SLC7A11: variants seen among roughly 807,000 people sequenced by gnomAD.
The protein encoded by SLC7A11 is cystine/glutamate transporter.
SLC7A11 carries 35 observed loss-of-function variants against 54.5 expected under a neutral mutation model. The observed-to-expected ratio is 0.64, with a 90% CI of 0.49 to 0.85. The LOEUF is 0.85. Among genes scored for constraint, SLC7A11 ranks in the 40% least tolerant of loss-of-function variants. SLC7A11 has a pLI of 0.00. For synonymous variants in SLC7A11, 230 were observed against 225.2 expected (o/e 1.02, Z -0.19); for missense variants, 583 against 618.1 (o/e 0.94, Z 0.60).
At chr4:138,222,662 T>C (rs1378358887) in intron 4 of SLC7A11, among the ~76,000 whole-genome samples, 1 of 152,186 alleles carries the variant, frequency 6.6e-6, no homozygotes, top group Admixed American at 6.5e-5. Flanking sequence ...ACAATAAAAA[T>C]TAAGTTTTTA....
chr4:138,165,936 A>G lies in SLC7A11; in HGVS notation c.*6020T>C, dbSNP rs1004615636. On this transcript the variant is annotated 3_prime_UTR_variant, in exon 12 of 12. Transcript: ENST00000280612. ...TTGTGCAATAATCATAGTGATTTACATTGCTTTTCTTCTTTCAGAGCAATA... is the reference window on the plus strand; with the variant it reads ...TTGTGCAATAATCATAGTGATTTACGTTGCTTTTCTTCTTTCAGAGCAATA... 1 of 152,178 alleles carries G rather than the reference A, an allele frequency of 6.6e-6. No homozygotes were observed. The highest frequency in any genetic ancestry group is 1.5e-5 in the Non-Finnish European group (1 of 68,006). 9.4% of individuals were successfully genotyped at this position (152,178 alleles called of 1,614,324 possible). A position where few individuals can be genotyped will look rare whatever the true frequency, so the allele number is the denominator to read the frequency against.
At position 138,171,830 on chromosome 4, in the gene SLC7A11, T is replaced by C. The variant is rs1736432536; in HGVS notation, c.*126A>G. ...GTTCGAATATGCTAAAATATATGAA[T>C]AAAAATAACTGACTCCTTTTGTTTA... On this transcript the variant is annotated 3_prime_UTR_variant, in exon 12 of 12. Transcript: ENST00000280612. The C allele has an allele frequency of 8.2e-7, 1 of 1,224,110 alleles. No homozygotes were observed. Among genetic ancestry groups the C allele is most frequent in the Non-Finnish European group, 1.1e-6 (1 of 899,472 alleles). The allele number at this position is 1,224,110 out of a possible 1,614,324, so 75.8% of individuals were successfully genotyped here.
intron 11 of SLC7A11, among the ~76,000 whole-genome samples, chr4:138,172,851 T>C (rs1386258918): frequency 1.3e-5 from 2 of 152,154 alleles, no homozygotes; most frequent in African/African-American, 4.8e-5. Context: ...TTTTGTTTTG[T>C]TTTGATTTTT....
chr4:138,202,746 C>G (rs1230406140), intron 6 of SLC7A11, among the ~76,000 whole-genome samples: 1 of 152,038 alleles, frequency 6.6e-6, no homozygotes, highest in East Asian at 1.9e-4. Context: ...CCCAGAGGCT[C>G]AGAGAGGACA....
chr4:138,214,650 T>A, intron 5 of SLC7A11, 21 bp from the exon 6 acceptor site: 1 of 925,112 alleles, frequency 1.1e-6, no homozygotes, highest in Non-Finnish European at 1.6e-6. Context: ...ATAAATAAAT[T>A]ATAAACTATT....
intron 6 of SLC7A11, among the ~76,000 whole-genome samples, chr4:138,198,854 T>G (rs1175423704): frequency 6.6e-6 from 1 of 152,118 alleles, no homozygotes; most frequent in Non-Finnish European, 1.5e-5. Context: ...AAAGAAATAT[T>G]ATACTAGCAT....
Position 138,223,263 on chromosome 4 carries a change from T to C in SLC7A11, c.582A>G (p.Leu194=). The change falls in exon 4 of 12, where the codon TTA becomes TTG. Residue 194 remains leucine (L), a synonymous_variant. Coordinates refer to ENST00000280612, the MANE Select transcript of SLC7A11 (RefSeq NM_014331.4). ...GAATTGCTGTGAGCTTGCAAAAGGT[T>C]AAGAAAATCTGGATCCGGGCGCTCC... ...VSWSARIQIF[L]TFCKLTAILI... is the part of the protein sequence containing the mutation. The C allele has an allele frequency of 6.2e-7, 1 of 1,613,692 alleles. No homozygotes were observed. The highest frequency in any genetic ancestry group is 8.5e-7 in the Non-Finnish European group (1 of 1,179,618).
chr4:138,224,116 G>A (rs1056293004), intron 3 of SLC7A11, among the ~76,000 whole-genome samples: 3 of 152,088 alleles, frequency 2.0e-5, no homozygotes, highest in Non-Finnish European at 2.9e-5. Flanking sequence ...TCGCTGTATC[G>A]CTGGTATCCA....
intron 6 of SLC7A11, among the ~76,000 whole-genome samples, chr4:138,194,723 G>T (rs1362194668): frequency 6.6e-6 from 1 of 152,142 alleles, no homozygotes; most frequent in Non-Finnish European, 1.5e-5. Flanking sequence ...TTATGGAAAA[G>T]TCTGGGTCTA....
Position 138,173,704 on chromosome 4 carries a change from T to C in SLC7A11, c.1445-1687A>G, listed in dbSNP as rs141945534. ...GTCAAAGATACTGTCCTCAGCCCAC[T>C]AATTTTACAGTCTATATTAATTGTA... On this transcript the variant is annotated intron_variant, in intron 11 of 11. Transcript: ENST00000280612. 5.9e-5 allele frequency among the ~76,000 whole-genome samples: 9 copies of C among 152,146 alleles called. 1 individual carries two copies. In the East Asian group the frequency reaches 1.7e-3, roughly 29 times the overall value.
In SLC7A11 at chr4:138,204,029, C is replaced by T. The variant is rs536989618; in HGVS notation, c.791+10556G>A. 1.2e-4 allele frequency among the ~76,000 whole-genome samples: 18 copies of T among 152,182 alleles called. No homozygotes were observed. The South Asian group carries it at 3.7e-3, about 32-fold the overall frequency. ...TCTTCTATGGCTGTATGTATGCTCA[C>T]CCGCTGCCCGAGACATCTTCACTTC... is the stretch of plus-strand genomic sequence containing the variant. On this transcript the variant is annotated intron_variant, in intron 6 of 11. Coordinates refer to ENST00000280612, the MANE Select transcript of SLC7A11 (RefSeq NM_014331.4).
At chr4:138,228,643 C>T (rs1386819850) in intron 3 of SLC7A11, among the ~76,000 whole-genome samples, 2 of 151,190 alleles carry the variant, frequency 1.3e-5, no homozygotes, top group Admixed American at 1.3e-4. Context: ...CCTGTAGTCC[C>T]AGCTACTCTG....
intron 1 of SLC7A11, among the ~76,000 whole-genome samples, chr4:138,237,379 G>A (rs1180717459): frequency 6.6e-6 from 1 of 150,806 alleles, no homozygotes; most frequent in African/African-American, 2.4e-5. Context: ...TTTTTGAAGT[G>A]TACTCTCTGG....
At chr4:138,209,818 C>T (rs1331654832) in intron 6 of SLC7A11, among the ~76,000 whole-genome samples, 1 of 151,894 alleles carries the variant, frequency 6.6e-6, no homozygotes, top group African/African-American at 2.4e-5. Context: ...GCAGTACTGC[C>T]CAAAGCAATA....
rs1411102901 is a variant in SLC7A11, at chr4:138,170,583, G to A, written c.*1373C>T. The A allele has an allele frequency of 2.0e-5, 3 of 151,834 alleles. No homozygotes were observed. Among genetic ancestry groups the A allele is most frequent in the Non-Finnish European group, 4.4e-5 (3 of 67,984 alleles). 9.4% of individuals were successfully genotyped at this position (151,834 alleles called of 1,614,324 possible). On this transcript the variant is annotated 3_prime_UTR_variant, in exon 12 of 12. Transcript: ENST00000280612. ...CACCCCCTCAGCCTCCCAAAGTGCT[G>A]GGATTACAGATGTAAGCCACCATGC...
At chr4:138,216,096 A>G (rs996005033) in intron 5 of SLC7A11, among the ~76,000 whole-genome samples, 11 of 152,186 alleles carry the variant, frequency 7.2e-5, no homozygotes, top group Non-Finnish European at 7.3e-5. Flanking sequence ...AGGAATGACC[A>G]TGATATTCTC....
chr4:138,167,642 C>T lies in SLC7A11; in HGVS notation c.*4314G>A, dbSNP rs1025099867. 1.3e-5 allele frequency: 2 copies of T among 152,108 alleles called. No homozygotes were observed. The highest frequency in any genetic ancestry group is 4.8e-5 in the African/African-American group (2 of 41,420). The allele number at this position is 152,108 out of a possible 1,614,324, so 9.4% of individuals were successfully genotyped here. ...GTAAACAGAGGCTATCAAGGTGACC[C>T]ATTATCTACTCTAATTTATATCCAC... On this transcript the variant is annotated 3_prime_UTR_variant, in exon 12 of 12. Coordinates refer to ENST00000280612, the MANE Select transcript of SLC7A11 (RefSeq NM_014331.4).
At chr4:138,179,422 T>C in intron 10 of SLC7A11, 28 bp from the exon 11 acceptor site, 1 of 1,594,664 alleles carries the variant, frequency 6.3e-7, no homozygotes, top group Non-Finnish European at 8.6e-7. Context: ...AAAAAGTCAC[T>C]TCAAACATGT....
In SLC7A11 at chr4:138,241,832, G is replaced by A; in HGVS notation, c.238C>T (p.Leu80=). The A allele has an allele frequency of 1.2e-6, 2 of 1,614,154 alleles. No individual in the cohort carries two copies. Among genetic ancestry groups the A allele is most frequent in the Non-Finnish European group, 8.5e-7 (1 of 1,180,026 alleles). Reference sequence around the variant, plus strand: ...ACCCCACACACCGTCCAGATGGTCAGAGACATGCCCACGCTGCCCGTGTTC... The same window carrying A: ...ACCCCACACACCGTCCAGATGGTCAAAGACATGCCCACGCTGCCCGTGTTC... ...LQNTGSVGMS[L]TIWTVCGVLS... Residue 80 remains leucine, a synonymous_variant, in exon 1 of 12, where the codon CTG becomes TTG. Coordinates refer to ENST00000280612, the MANE Select transcript of SLC7A11 (RefSeq NM_014331.4).
Sources: allele counts gnomAD v4.1 joint callset (sites outside exome capture counted in the v4.1 genomes callset), GRCh38; gene constraint gnomAD v4.1.1; transcripts MANE v1.5; gene names NCBI Gene and HGNC (gene_info 2026-07-23, HGNC 2026-07-21).